The following TATDN1 variants were observed in gnomAD, a reference collection of about 807,000 sequenced individuals.
The protein encoded by TATDN1 is deoxyribonuclease TATDN1.
In TATDN1, 40 loss-of-function variants were observed where a neutral mutation model predicts 46.4. The ratio of observed to expected loss-of-function variants is 0.86; its 90% CI spans 0.67 to 1.12. The LOEUF is 1.12. TATDN1 is among the 50% of genes most tolerant of loss of function. The pLI, the probability that TATDN1 is intolerant of heterozygous loss-of-function variation, is 0.00. For synonymous variants in TATDN1, 95 were observed against 105.6 expected (o/e 0.90, Z 0.62); for missense variants, 326 against 348.4 (o/e 0.94, Z 0.51).
Position 124,505,160 on chromosome 8 carries a change from G to A in TATDN1, c.517-813C>T, listed in dbSNP as rs1818306682. 4.6e-5 allele frequency among the ~76,000 whole-genome samples: 7 copies of A among 151,336 alleles called. No individual in the cohort carries two copies. In the South Asian group the frequency reaches 1.3e-3, roughly 27 times the overall value. On this transcript the variant is annotated intron_variant, in intron 8 of 11. Coordinates refer to ENST00000276692, the MANE Select transcript of TATDN1 (RefSeq NM_032026.4). ...AGCACTTTGGGAGGCTGAGGCTGGT[G>A]GATCACCTGAGGTTGGGAGTTCGAG... is the stretch of plus-strand genomic sequence containing the variant.
rs532121981 is a variant in TATDN1, at chr8:124,502,234, G to A, written c.593+2037C>T. 1.8e-3 allele frequency among the ~76,000 whole-genome samples: 278 copies of A among 151,618 alleles called. 1 individual carries two copies. Among genetic ancestry groups the A allele is most frequent in the South Asian group, 9.2e-3 (44 of 4,794 alleles). On this transcript the variant is annotated intron_variant, in intron 9 of 11. Transcript: ENST00000276692. ...CGGGCACCTGTAATCCCAGCTACTC[G>A]GGAAGCTGAGGCAGGAGAATGGCGT... is the stretch of plus-strand genomic sequence containing the variant.
chr8:124,495,925 C>A (rs1310142400), intron 9 of TATDN1, among the ~76,000 whole-genome samples: 1 of 152,212 alleles, frequency 6.6e-6, no homozygotes, highest in Non-Finnish European at 1.5e-5. Context: ...AGATTCTTCA[C>A]TCTACTTTAG....
rs375921190 is a variant in TATDN1 at position 124,504,267 on chromosome 8, G to A, written c.593+4C>T. 43 of 1,592,026 alleles carry A rather than the reference G, an allele frequency of 2.7e-5. No homozygotes were observed. The highest frequency in any genetic ancestry group is 9.0e-5 in the Admixed American group (5 of 55,570). On this transcript the variant is annotated splice_donor_region_variant and intron_variant, in intron 9 of 11. Transcript: ENST00000276692. ...TTAAAAACCAAAGCAACCTAAGAAC[G>A]TACCAACCATTAAATCCTATATAAA...
intron 11 of TATDN1, chr8:124,489,403 C>CTTTTTTTTTTTTTTTTTTTTTTTT (rs11443180): frequency 6.8e-6 from 1 of 146,752 alleles, no homozygotes. Flanking sequence ...TCTTTCCTTT[C>CTTTTTTTTTTTTTTTTTTTTTTTT]TTTTTTTTTT....
intron 11 of TATDN1, chr8:124,491,269 GCTCA>G (rs1400970969): frequency 6.6e-6 from 1 of 152,124 alleles, no homozygotes; most frequent in African/African-American, 2.4e-5. Flanking sequence ...CACAATCTGG[GCTCA>G]CTCTACCTTC....
intron 6 of TATDN1, among the ~76,000 whole-genome samples, chr8:124,509,473 T>C (rs954282053): frequency 6.6e-6 from 1 of 152,234 alleles, no homozygotes; most frequent in Admixed American, 6.5e-5. Flanking sequence ...ATGTTCATTC[T>C]GTTTGTCTTT....
chr8:124,515,775 C>G lies in TATDN1; in HGVS notation c.360G>C (p.Leu120=). Residue 120 remains leucine (L), a synonymous_variant, in exon 6 of 12, where the codon CTG becomes CTC. Coordinates refer to ENST00000276692, the MANE Select transcript of TATDN1 (RefSeq NM_032026.4). ...IGECGLDFDR[L]QFCPKDTQLK... is the part of the protein sequence containing the mutation. ...GTTGAGTATCTTTGGGACAAAACTG[C>G]AGTCGGTCAAAATCTTTAAAAAGAT... The G allele has an allele frequency of 6.2e-7, 1 of 1,613,792 alleles. No homozygotes were observed. The highest frequency in any genetic ancestry group is 8.5e-7 in the Non-Finnish European group (1 of 1,179,830).
intron 9 of TATDN1, among the ~76,000 whole-genome samples, chr8:124,499,148 G>A (rs6985260): frequency 0.51 from 77,716 of 151,382 alleles, 20,362 homozygotes; most frequent in African/African-American, 0.61. Context: ...TCCTTTTTCA[G>A]TATCTATAAT....
At chr8:124,516,061 T>G in intron 4 of TATDN1, 31 bp from the exon 5 acceptor site, 1 of 1,536,872 alleles carries the variant, frequency 6.5e-7, no homozygotes, top group South Asian at 1.3e-5. Flanking sequence ...AGGATTATTT[T>G]CAAAGTATTT....
chr8:124,535,362 T>G (rs564041289), intron 1 of TATDN1, among the ~76,000 whole-genome samples: 1 of 152,298 alleles, frequency 6.6e-6, no homozygotes, highest in East Asian at 1.9e-4. Context: ...GTCTAAAATA[T>G]TTACTATATG....
chr8:124,500,766 AC>A (rs921771273), intron 9 of TATDN1, among the ~76,000 whole-genome samples: 11 of 151,710 alleles, frequency 7.3e-5, no homozygotes, highest in African/African-American at 2.2e-4. Context: ...AAAAAAAAAA[AC>A]AAAACCAAAC....
At chr8:124,489,691 GGT>G (rs1816781326) in intron 11 of TATDN1, 3 of 152,434 alleles carry the variant, frequency 2.0e-5, no homozygotes, top group Admixed American at 2.0e-4. Context: ...TGGGATTACA[GGT>G]GTGAGCCACC....
At chr8:124,493,156 T>C (rs1817171436) in intron 11 of TATDN1, among the ~76,000 whole-genome samples, 1 of 152,250 alleles carries the variant, frequency 6.6e-6, no homozygotes, top group South Asian at 2.1e-4. Context: ...TGTTTTCTTT[T>C]TTACCCCTCA....
At chr8:124,508,724 A>T (rs899340081) in intron 6 of TATDN1, 36 bp from the exon 7 acceptor site, 14 of 1,336,388 alleles carry the variant, frequency 1.0e-5, no homozygotes, top group Non-Finnish European at 1.4e-5. Context: ...CTCATTACAA[A>T]TTGTATTTTA....
chr8:124,525,628 T>G (rs1008050204), intron 1 of TATDN1, among the ~76,000 whole-genome samples: 1 of 152,302 alleles, frequency 6.6e-6, no homozygotes, highest in African/African-American at 2.4e-5. Flanking sequence ...TTTTGCAAAT[T>G]AAAAGTCTTA....
chr8:124,524,475 A>T (rs1209380936), intron 1 of TATDN1, among the ~76,000 whole-genome samples: 2 of 152,202 alleles, frequency 1.3e-5, no homozygotes, highest in African/African-American at 2.4e-5. Flanking sequence ...GAGAAAGGAA[A>T]CCCAGGGAAG....
chr8:124,495,425 TG>T, intron 10 of TATDN1, 46 bp downstream of exon 10: 1 of 1,444,112 alleles, frequency 6.9e-7, no homozygotes, highest in Non-Finnish European at 9.5e-7. Flanking sequence ...CTTTCCTTTT[TG>T]TTTGGTATGG....
chr8:124,497,288 CT>C (rs750659706), intron 9 of TATDN1, among the ~76,000 whole-genome samples: 173 of 101,074 alleles, frequency 1.7e-3, no homozygotes, highest in Non-Finnish European at 1.8e-3. Flanking sequence ...CTTTCTTCTT[CT>C]TTTTTTTTTT....
chr8:124,514,119 C>A (rs1271329162), intron 6 of TATDN1, among the ~76,000 whole-genome samples: 1 of 152,090 alleles, frequency 6.6e-6, no homozygotes, highest in East Asian at 1.9e-4. Flanking sequence ...TACGTTAACC[C>A]ATCCTATTCT....
Sources: gnomAD v4.1 joint callset for allele counts (sites outside exome capture counted in the v4.1 genomes callset) on GRCh38, gnomAD v4.1.1 for gene constraint, MANE v1.5 for transcripts, NCBI Gene and HGNC (gene_info 2026-07-23, HGNC 2026-07-21) for gene names.